GNG2: variants seen among roughly 807,000 people sequenced by gnomAD.
GNG2 encodes the protein G protein subunit gamma 2, also known as guanine nucleotide-binding protein G(I)/G(S)/G(O) subunit gamma-2.
Under a neutral mutation model 5.5 loss-of-function variants are expected in GNG2, and 5 were observed. The observed-to-expected ratio is 0.91, with a 90% CI of 0.48 to 1.92. The LOEUF (loss-of-function observed/expected upper bound fraction) is 1.92. GNG2 is among the 30% of genes most tolerant of loss of function. The probability of loss-of-function intolerance (pLI) is 0.01; values close to 1 mark genes in which losing one functional copy is unlikely to be tolerated. For synonymous variants in GNG2, 28 were observed against 32.0 expected, an observed-to-expected ratio of 0.88 and a Z score of 0.42; for missense variants, 55 against 88.4, an observed-to-expected ratio of 0.62 and a Z score of 1.52.
chr14:51,948,949 G>A (rs527257640), intron 2 of GNG2, among the ~76,000 whole-genome samples: 12 of 151,964 alleles, frequency 7.9e-5, no homozygotes, highest in African/African-American at 2.2e-4. Context: ...GTGAAACCCC[G>A]TCTCTATTAA....
chr14:51,898,172 A>G (rs752171691), intron 2 of GNG2, among the ~76,000 whole-genome samples: 1 of 152,206 alleles, frequency 6.6e-6, no homozygotes, highest in African/African-American at 2.4e-5. Context: ...CATTATTCCA[A>G]CCATGTCCCC....
chr14:51,839,745 G>C (rs1040133521), intron 2 of GNG2, among the ~76,000 whole-genome samples: 1 of 152,068 alleles, frequency 6.6e-6, no homozygotes, highest in Non-Finnish European at 1.5e-5. Flanking sequence ...CTTTAAAAAG[G>C]GTAAATTTTG....
chr14:51,871,799 T>TCGG (rs1883313519), intron 1 of GNG2, among the ~76,000 whole-genome samples: 1 of 152,220 alleles, frequency 6.6e-6, no homozygotes, highest in African/African-American at 2.4e-5. Flanking sequence ...CCTATTATTG[T>TCGG]CGGATGTCGT....
chr14:51,912,133 A>C lies in GNG2; in HGVS notation c.-30+34476A>C, dbSNP rs147344859. 2.4e-5 allele frequency among the ~76,000 whole-genome samples: 3 copies of C among 126,516 alleles called. No homozygotes were observed. In the South Asian group the frequency reaches 8.1e-4, roughly 34 times the overall value. The allele number at this position is 126,516 out of a possible 152,430, so 83.0% of individuals were successfully genotyped here. A position where few individuals can be genotyped will look rare whatever the true frequency, so the allele number is the denominator to read the frequency against. On this transcript the variant is annotated intron_variant, in intron 2 of 3. Coordinates refer to ENST00000556766, the MANE Select transcript of GNG2 (RefSeq NM_053064.5). ...CTATTGAGTAAATGGCAGAACTGAG[A>C]CTCAAACTTGGGCAGTGTGGCCCAG...
chr14:51,958,456 ATTTC>A (rs1447043242), intron 3 of GNG2, among the ~76,000 whole-genome samples: 13 of 121,006 alleles, frequency 1.1e-4, no homozygotes, highest in African/African-American at 3.7e-4. Context: ...CCCCATTTAT[ATTTC>A]TTTCTATATC....
Position 51,950,689 on chromosome 14 carries a change from A to G in GNG2, c.11A>G (p.Asn4Ser). The G allele has an allele frequency of 6.2e-7, 1 of 1,611,338 alleles. No homozygotes were observed. Among genetic ancestry groups the G allele is most frequent in the Non-Finnish European group, 8.5e-7 (1 of 1,178,776 alleles). Residue 4 changes from asparagine (N) to serine (S), a missense_variant, in exon 3 of 4, where the codon AAC (asparagine) becomes AGC (serine). Physicochemically the swap from Asn to Ser is conservative, Grantham distance 46. Coordinates refer to ENST00000556766, the MANE Select transcript of GNG2 (RefSeq NM_053064.5). MAS[N>S]NTASIAQARK... ...CTATCCAGCACTCCGATGGCCAGCA[A>G]CAACACCGCCAGCATAGCACAAGCC... is the stretch of plus-strand genomic sequence containing the variant.
chr14:51,853,864 C>T (rs372871368), intron 2 of GNG2, among the ~76,000 whole-genome samples: 3 of 151,832 alleles, frequency 2.0e-5, no homozygotes, highest in Admixed American at 6.6e-5. Context: ...TCTTGTTGCC[C>T]GTTTCCTGTT....
Position 51,969,495 on chromosome 14 carries a change from A to T in GNG2, c.*2808A>T, listed in dbSNP as rs1392829957. On this transcript the variant is annotated 3_prime_UTR_variant, in exon 4 of 4. Transcript: ENST00000556766. Reference sequence around the variant, plus strand: ...AATCAAACGATTTCTCCATACGCTCATAGTCACATATGGAATTTTGAGAAA... The same window carrying T: ...AATCAAACGATTTCTCCATACGCTCTTAGTCACATATGGAATTTTGAGAAA... The T allele has an allele frequency of 6.6e-6, 1 of 152,248 alleles. No individual in the cohort carries two copies. Among genetic ancestry groups the T allele is most frequent in the African/African-American group, 2.4e-5 (1 of 41,462 alleles). 9.4% of individuals were successfully genotyped at this position (152,248 alleles called of 1,614,324 possible).
At chr14:51,869,463 G>A (rs760254819) in intron 1 of GNG2, among the ~76,000 whole-genome samples, 5 of 152,182 alleles carry the variant, frequency 3.3e-5, no homozygotes, top group Middle Eastern at 3.4e-3. Context: ...GGAATTATAG[G>A]CATATTTCAA....
intron 2 of GNG2, among the ~76,000 whole-genome samples, chr14:51,841,924 G>A (rs557410300): frequency 6.6e-6 from 1 of 152,306 alleles, no homozygotes; most frequent in African/African-American, 2.4e-5. Context: ...TTTAATATAA[G>A]TTAACTGTTT....
intron 2 of GNG2, among the ~76,000 whole-genome samples, chr14:51,900,440 G>A (rs1885474849): frequency 6.6e-6 from 1 of 151,714 alleles, no homozygotes; most frequent in African/African-American, 2.4e-5. Context: ...AAGAAATGTG[G>A]AAATGAGATT....
chr14:51,953,543 T>C (rs1889105673), intron 3 of GNG2, among the ~76,000 whole-genome samples: 2 of 152,232 alleles, frequency 1.3e-5, no homozygotes, highest in Non-Finnish European at 2.9e-5. Flanking sequence ...GTTGCCTTCC[T>C]AGGTGATCTT....
chr14:51,953,458 G>A (rs1266690875), intron 3 of GNG2, among the ~76,000 whole-genome samples: 4 of 152,122 alleles, frequency 2.6e-5, no homozygotes, highest in Admixed American at 2.6e-4. Flanking sequence ...CACTCTGATT[G>A]CCCTTTGAAG....
intron 2 of GNG2, among the ~76,000 whole-genome samples, chr14:51,945,729 C>G (rs1888604547): frequency 6.6e-6 from 1 of 151,956 alleles, no homozygotes; most frequent in African/African-American, 2.4e-5. Context: ...AAAAATGAAT[C>G]AGTGTAGAGG....
At chr14:51,919,517 C>A (rs1886881560) in intron 2 of GNG2, among the ~76,000 whole-genome samples, 1 of 152,160 alleles carries the variant, frequency 6.6e-6, no homozygotes, top group Non-Finnish European at 1.5e-5. Context: ...ATGAGTTACC[C>A]TCAGAATTTA....
chr14:51,829,319 A>C (rs1203835777), intron 2 of GNG2, among the ~76,000 whole-genome samples: 1 of 152,144 alleles, frequency 6.6e-6, no homozygotes, highest in Non-Finnish European at 1.5e-5. Context: ...CTTTAAATTC[A>C]ACAGTGCTTG....
At chr14:51,844,507 A>G (rs1216794693) in intron 2 of GNG2, among the ~76,000 whole-genome samples, 1 of 152,122 alleles carries the variant, frequency 6.6e-6, no homozygotes, top group Non-Finnish European at 1.5e-5. Context: ...GCTGTTGTTG[A>G]CAGCCCTGTG....
upstream of GNG2, among the ~76,000 whole-genome samples, chr14:51,859,570 A>G (rs1882326306): frequency 6.6e-6 from 1 of 152,208 alleles, no homozygotes; most frequent in Non-Finnish European, 1.5e-5. Context: ...ATCTCATTTA[A>G]TCCTCATATT....
intron 2 of GNG2, among the ~76,000 whole-genome samples, chr14:51,852,417 C>T (rs996092003): frequency 3.9e-5 from 6 of 152,124 alleles, no homozygotes; most frequent in African/African-American, 1.4e-4. Flanking sequence ...ACCAGAGATA[C>T]AAGACTGAGT....
Sources: gnomAD v4.1 joint callset for allele counts (sites outside exome capture counted in the v4.1 genomes callset) on GRCh38, gnomAD v4.1.1 for gene constraint, MANE v1.5 for transcripts, NCBI Gene and HGNC (gene_info 2026-07-23, HGNC 2026-07-21) for gene names.